Variants in GRID1 observed in about 807,000 individuals in gnomAD.
The protein encoded by GRID1 is glutamate receptor ionotropic, delta-1.
A neutral mutation model predicts 98.0 loss-of-function variants in GRID1; 28 were observed. The ratio of observed to expected loss-of-function variants is 0.29; its 90% CI spans 0.21 to 0.39. GRID1 has a LOEUF of 0.39. GRID1 is among the 10% of genes least tolerant of loss of function. The probability of loss-of-function intolerance (pLI) is 1.00; values close to 1 mark genes in which losing one functional copy is unlikely to be tolerated. For synonymous variants in GRID1, 553 were observed against 538.5 expected (o/e 1.03, Z -0.37); for missense variants, 1,111 against 1,340.5 (o/e 0.83, Z 2.67).
intron 4 of GRID1, among the ~76,000 whole-genome samples, chr10:86,135,583 C>T (rs1844912290): frequency 1.3e-5 from 2 of 151,978 alleles, no homozygotes; most frequent in Admixed American, 6.6e-5. Flanking sequence ...AAAGACTGAG[C>T]GAGGGATGTG....
intron 12 of GRID1, among the ~76,000 whole-genome samples, chr10:85,693,431 C>T (rs75066721): frequency 0.03 from 4,595 of 151,918 alleles, 201 homozygotes; most frequent in African/African-American, 0.1. Flanking sequence ...ACATACAGCA[C>T]AAAAAGTGAG....
rs371310308 is a variant in GRID1, at chr10:85,693,503, A to C, written c.1997+29500T>G. 6.6e-5 allele frequency among the ~76,000 whole-genome samples: 10 copies of C among 152,288 alleles called. No homozygotes were observed. In the East Asian group the frequency reaches 1.7e-3, roughly 26 times the overall value. On this transcript the variant is annotated intron_variant, in intron 12 of 15. Transcript: ENST00000327946. The stretch of plus-strand genomic sequence containing the variant: ...TATCAGTATTGGCTCATCAACTGTA[A>C]CAAATGTGCTACACAAAGATGTTAA...
At chr10:86,145,125 CA>C (rs1184801585) in intron 3 of GRID1, among the ~76,000 whole-genome samples, 1 of 152,260 alleles carries the variant, frequency 6.6e-6, no homozygotes, top group East Asian at 1.9e-4. Flanking sequence ...TCCTCAAAAG[CA>C]TCAGTCAATC....
At chr10:85,789,020 G>GA (rs200059176) in intron 8 of GRID1, among the ~76,000 whole-genome samples, 5,020 of 151,522 alleles carry the variant, frequency 0.033, 126 homozygotes, top group Non-Finnish European at 0.047. Flanking sequence ...GATTAAGAGG[G>GA]AAAAAAAACA....
intron 4 of GRID1, among the ~76,000 whole-genome samples, chr10:86,008,001 T>C (rs1842883917): frequency 6.6e-6 from 1 of 152,132 alleles, no homozygotes; most frequent in Non-Finnish European, 1.5e-5. Context: ...CACTCACTGA[T>C]ATTGTCACCT....
rs571862168 is a variant in GRID1, at chr10:86,316,804, ATGGCTGTCTTGC to A, written c.235+47125_235+47136del. Among the ~76,000 whole-genome samples the A allele has an allele frequency of 3.6e-3, 546 of 152,320 alleles. 1 individual carries two copies. The highest frequency in any genetic ancestry group is 6.3e-3 in the Non-Finnish European group (431 of 68,032). On this transcript the variant is annotated intron_variant, in intron 2 of 15. Transcript: ENST00000327946. ...CCCTCCCATTCAGCTGCCAGATGAG[ATGGCTGTCTTGC>A]TTTTATATGATTTTCCATGAGACAT... is the stretch of plus-strand genomic sequence containing the variant.
At chr10:85,678,803 C>T (rs1402183345) in intron 12 of GRID1, among the ~76,000 whole-genome samples, 1 of 152,138 alleles carries the variant, frequency 6.6e-6, no homozygotes, top group African/African-American at 2.4e-5. Flanking sequence ...CTTCCTCTCA[C>T]CATTAAAGTT....
intron 3 of GRID1, among the ~76,000 whole-genome samples, chr10:86,141,854 C>T (rs1376577125): frequency 3.3e-5 from 5 of 152,180 alleles, no homozygotes; most frequent in African/African-American, 7.2e-5. Context: ...GTGGTGTAAA[C>T]GATATTCCTA....
chr10:85,737,577 A>AGTT lies in GRID1; in HGVS notation c.1234-7966_1234-7964dup, dbSNP rs539726410. Among the ~76,000 whole-genome samples, 137 of 150,166 alleles carry AGTT rather than the reference A, an allele frequency of 9.1e-4. 1 individual carries two copies. The highest frequency in any genetic ancestry group is 3.2e-3 in the African/African-American group (130 of 40,918). The stretch of plus-strand genomic sequence containing the variant: ...ATTAAGAGCAAGGATGGAGGCAGGC[A>AGTT]GTTCCACTTCTGCTTAAGATATAGA... On this transcript the variant is annotated intron_variant, in intron 8 of 15. Coordinates refer to ENST00000327946, the MANE Select transcript of GRID1 (RefSeq NM_017551.3).
At chr10:86,319,712 T>G (rs1192172094) in intron 2 of GRID1, among the ~76,000 whole-genome samples, 1 of 152,200 alleles carries the variant, frequency 6.6e-6, no homozygotes, top group Non-Finnish European at 1.5e-5. Context: ...TGGGCAATCC[T>G]GGTGTCTGCA....
intron 3 of GRID1, among the ~76,000 whole-genome samples, chr10:86,176,492 G>A (rs1356985739): frequency 6.6e-6 from 1 of 152,226 alleles, no homozygotes; most frequent in Non-Finnish European, 1.5e-5. Context: ...AGCAGCCTGT[G>A]CATGCGCTGA....
chr10:86,130,881 C>T (rs962786776), intron 4 of GRID1, among the ~76,000 whole-genome samples: 10 of 152,156 alleles, frequency 6.6e-5, no homozygotes, highest in Admixed American at 6.5e-5. Context: ...CTAGTGCTAC[C>T]GTGGGGCCAG....
intron 4 of GRID1, among the ~76,000 whole-genome samples, chr10:85,928,258 A>G (rs756878029): frequency 6.6e-6 from 1 of 152,222 alleles, no homozygotes; most frequent in Non-Finnish European, 1.5e-5. Context: ...TGGGAGCTTG[A>G]GACCAGCCTG....
intron 2 of GRID1, among the ~76,000 whole-genome samples, chr10:86,341,300 C>T (rs1429820359): frequency 6.6e-6 from 1 of 152,190 alleles, no homozygotes; most frequent in Non-Finnish European, 1.5e-5. Flanking sequence ...CGACAGGGAG[C>T]TCTGGATGCC....
chr10:86,337,023 T>G (rs923209085), intron 2 of GRID1, among the ~76,000 whole-genome samples: 18 of 147,756 alleles, frequency 1.2e-4, no homozygotes, highest in African/African-American at 4.8e-4. Flanking sequence ...TTTTGCAGTT[T>G]TTTTTTTTTA....
chr10:86,337,622 G>T (rs1355488754), intron 2 of GRID1, among the ~76,000 whole-genome samples: 1 of 148,436 alleles, frequency 6.7e-6, no homozygotes, highest in African/African-American at 2.5e-5. Flanking sequence ...TGGCCTGGAA[G>T]TTACAGTTCT....
chr10:86,300,619 C>A (rs1241524841), intron 2 of GRID1, among the ~76,000 whole-genome samples: 1 of 151,648 alleles, frequency 6.6e-6, no homozygotes, highest in East Asian at 1.9e-4. Context: ...CAGCCTCCAC[C>A]CTCCCAGGCT....
At chr10:86,121,042 A>T (rs1306860209) in intron 4 of GRID1, among the ~76,000 whole-genome samples, 1 of 152,154 alleles carries the variant, frequency 6.6e-6, no homozygotes, top group Non-Finnish European at 1.5e-5. Context: ...CTCAAGTTGC[A>T]TATCCCCTTA....
intron 12 of GRID1, among the ~76,000 whole-genome samples, chr10:85,684,635 T>C (rs1016946057): frequency 6.6e-6 from 1 of 152,198 alleles, no homozygotes; most frequent in Non-Finnish European, 1.5e-5. Flanking sequence ...TCATCCTAAA[T>C]GGCAAAATAC....
Sources: gnomAD v4.1 joint callset for allele counts (sites outside exome capture counted in the v4.1 genomes callset) on GRCh38, gnomAD v4.1.1 for gene constraint, MANE v1.5 for transcripts, NCBI Gene and HGNC (gene_info 2026-07-23, HGNC 2026-07-21) for gene names.